The following CCDC181 variants were observed in gnomAD, a reference collection of about 807,000 sequenced individuals.
CCDC181 encodes coiled-coil domain-containing protein 181.
CCDC181 carries 35 observed loss-of-function variants against 58.7 expected under a neutral mutation model. That is an observed-to-expected ratio of 0.60 (90% CI 0.46 to 0.79). The LOEUF (loss-of-function observed/expected upper bound fraction) is 0.79, where lower values mean the gene tolerates loss of function less well. Ranked by LOEUF, CCDC181 falls within the 30% of genes least tolerant of loss-of-function variation. CCDC181 has a pLI of 0.00. For synonymous variants in CCDC181, 183 were observed against 197.5 expected, an observed-to-expected ratio of 0.93 and a Z score of 0.62; for missense variants, 517 against 583.9, an observed-to-expected ratio of 0.89 and a Z score of 1.18.
chr1:169,452,937 A>T (rs1043408527), intron 2 of CCDC181, among the ~76,000 whole-genome samples: 3 of 152,122 alleles, frequency 2.0e-5, no homozygotes, highest in African/African-American at 7.2e-5. Context: ...AGCACTATGA[A>T]AAGTACCAAG....
intron 2 of CCDC181, among the ~76,000 whole-genome samples, chr1:169,440,962 G>A (rs1657212359): frequency 8.9e-6 from 1 of 112,072 alleles, no homozygotes; most frequent in Admixed American, 9.3e-5. Context: ...ATGAGGTATG[G>A]CGTAACATGA....
chr1:169,416,906 A>G (rs1175156984), intron 4 of CCDC181, among the ~76,000 whole-genome samples: 1 of 152,226 alleles, frequency 6.6e-6, no homozygotes, highest in Non-Finnish European at 1.5e-5. Flanking sequence ...CTAGGAAAAT[A>G]TATAACATAT....
At chr1:169,418,134 T>G (rs1656295934) in intron 4 of CCDC181, among the ~76,000 whole-genome samples, 1 of 152,170 alleles carries the variant, frequency 6.6e-6, no homozygotes, top group African/African-American at 2.4e-5. Context: ...CTCTAAGCCT[T>G]CAAACATTTT....
At chr1:169,459,071 T>A (rs1462003479) in intron 2 of CCDC181, among the ~76,000 whole-genome samples, 1 of 152,114 alleles carries the variant, frequency 6.6e-6, no homozygotes, top group African/African-American at 2.4e-5. Flanking sequence ...AAAAGGGCAA[T>A]AATTATTTAT....
intron 4 of CCDC181, among the ~76,000 whole-genome samples, chr1:169,402,677 A>G (rs1487553935): frequency 6.6e-6 from 1 of 152,236 alleles, no homozygotes; most frequent in Non-Finnish European, 1.5e-5. Flanking sequence ...GGAAAGGAAC[A>G]ACCAGTACCA....
chr1:169,437,495 G>A (rs1255629477), intron 2 of CCDC181, among the ~76,000 whole-genome samples: 2 of 152,228 alleles, frequency 1.3e-5, no homozygotes, highest in East Asian at 1.9e-4. Flanking sequence ...TTGGAGGTTA[G>A]AAACAAGGTG....
At chr1:169,458,041 T>C (rs548796611) in intron 2 of CCDC181, among the ~76,000 whole-genome samples, 2 of 152,280 alleles carry the variant, frequency 1.3e-5, no homozygotes, top group South Asian at 4.1e-4. Context: ...ACTAAAATTA[T>C]TGCTTGTGGT....
At chr1:169,406,582 G>A (rs1655667800) in intron 4 of CCDC181, among the ~76,000 whole-genome samples, 1 of 152,106 alleles carries the variant, frequency 6.6e-6, no homozygotes, top group Non-Finnish European at 1.5e-5. Context: ...TCACTCACAG[G>A]TGGGCATTGA....
Position 169,421,502 on chromosome 1 carries a change from C to A in CCDC181, c.929G>T (p.Arg310Leu). Residue 310 changes from arginine (R) to leucine (L), a missense_variant, in exon 3 of 6, where the codon CGA becomes CTA. Transcript: ENST00000367806. ...TCPSSAVNSD[R>L]SKGNGKSNHR... The stretch of plus-strand genomic sequence containing the variant: ...ATTAGATTTCCCATTCCCTTTACTT[C>A]GATCTGAGTTGACAGCAGAGCTTGG... 1 of 1,614,064 alleles carries A rather than the reference C, an allele frequency of 6.2e-7. No homozygotes were observed. Among genetic ancestry groups the A allele is most frequent in the Non-Finnish European group, 8.5e-7 (1 of 1,180,006 alleles).
upstream of CCDC181, among the ~76,000 whole-genome samples, chr1:169,429,467 G>GC: frequency 6.6e-6 from 1 of 151,886 alleles, no homozygotes; most frequent in Middle Eastern, 3.4e-3. Flanking sequence ...AACATCTGTT[G>GC]TTTTTTTTAT....
chr1:169,395,190 G>GT lies in CCDC181; in HGVS notation c.1386dup (p.Arg463ThrfsTer16). The GT allele has an allele frequency of 6.2e-7, 1 of 1,610,898 alleles. No individual in the cohort carries two copies. On this transcript the variant is annotated frameshift_variant, in exon 6 of 6. Transcript: ENST00000367806. LOFTEE classifies it high-confidence loss of function. ...TGTTGCTCTGCCATTTTTTCCATCC[G>GT]TTTCCTTCTTAACCATCTGTAGAAA...
chr1:169,409,666 A>G (rs1655855830), intron 4 of CCDC181, among the ~76,000 whole-genome samples: 1 of 152,236 alleles, frequency 6.6e-6, no homozygotes, highest in South Asian at 2.1e-4. Flanking sequence ...TATAAAGGGA[A>G]GCTCATCAGA....
At chr1:169,450,281 G>C (rs1412545697) in intron 2 of CCDC181, among the ~76,000 whole-genome samples, 1 of 152,050 alleles carries the variant, frequency 6.6e-6, no homozygotes, top group Non-Finnish European at 1.5e-5. Context: ...AATGTTCTAG[G>C]CCTACTTTTA....
At chr1:169,454,945 T>C (rs2101761187) in intron 2 of CCDC181, among the ~76,000 whole-genome samples, 1 of 152,142 alleles carries the variant, frequency 6.6e-6, no homozygotes, top group Admixed American at 6.5e-5. Flanking sequence ...CAATACAACA[T>C]AGACGGCTAC....
rs538841124 is a variant in CCDC181 at position 169,434,772 on chromosome 1, T to C, written c.-23-9822A>G. On this transcript the variant is annotated intron_variant, in intron 2 of 6. Transcript: ENST00000545005. ...AAATCAGGTACAAAGCAAGGATGCC[T>C]GCTTTCACTACTGCTATTAAACATA... Among the ~76,000 whole-genome samples, 3 of 152,194 alleles carry C rather than the reference T, an allele frequency of 2.0e-5. No individual in the cohort carries two copies. The East Asian group carries it at 5.8e-4, about 29-fold the overall frequency.
chr1:169,425,945 CAT>C (rs201364156), intron 1 of CCDC181, among the ~76,000 whole-genome samples: 3,264 of 151,966 alleles, frequency 0.021, 118 homozygotes, highest in African/African-American at 0.075. Context: ...ATCACACACA[CAT>C]GAAAACTAAA....
At chr1:169,442,027 G>C (rs2101748833) in intron 2 of CCDC181, among the ~76,000 whole-genome samples, 1 of 152,048 alleles carries the variant, frequency 6.6e-6, no homozygotes. Flanking sequence ...GTATAAAGTT[G>C]GGCAACTCTC....
At chr1:169,437,582 T>C (rs545846919) in intron 2 of CCDC181, among the ~76,000 whole-genome samples, 4 of 152,288 alleles carry the variant, frequency 2.6e-5, no homozygotes, top group Non-Finnish European at 5.9e-5. Flanking sequence ...CCCTTTGGGT[T>C]TTATAACATG....
intron 4 of CCDC181, among the ~76,000 whole-genome samples, chr1:169,411,160 A>C (rs1403074491): frequency 1.3e-5 from 2 of 152,178 alleles, no homozygotes; most frequent in Non-Finnish European, 2.9e-5. Context: ...AAAGAATAAA[A>C]GAGAGAAGAA....
Sources: gnomAD v4.1 joint callset for allele counts (sites outside exome capture counted in the v4.1 genomes callset) on GRCh38, gnomAD v4.1.1 for gene constraint, MANE v1.5 for transcripts, NCBI Gene and HGNC (gene_info 2026-07-23, HGNC 2026-07-21) for gene names.